The following GRIA1 variants were observed in gnomAD, a reference collection of about 807,000 sequenced individuals.
The protein encoded by GRIA1 is glutamate ionotropic receptor AMPA type subunit 1, also known as glutamate receptor 1.
Under a neutral mutation model 99.2 loss-of-function variants are expected in GRIA1, and 31 were observed. The observed-to-expected ratio is 0.31, with a 90% CI of 0.23 to 0.42. GRIA1 has a LOEUF of 0.42. Among genes scored for constraint, GRIA1 ranks in the 10% least tolerant of loss-of-function variants. The pLI, the probability that GRIA1 is intolerant of heterozygous loss-of-function variation, is 1.00. For missense variants in GRIA1, 782 were observed against 1,157.5 expected (o/e 0.68, Z 4.71); for synonymous variants, 438 against 432.4 (o/e 1.01, Z -0.16).
chr5:153,677,545 A>T (rs983329113), intron 7 of GRIA1, among the ~76,000 whole-genome samples: 2 of 152,212 alleles, frequency 1.3e-5, no homozygotes, highest in Admixed American at 1.3e-4. Context: ...CTCTGCACAC[A>T]TTGTATGAGA....
intron 2 of GRIA1, among the ~76,000 whole-genome samples, chr5:153,577,234 G>A (rs908101876): frequency 6.6e-6 from 1 of 151,898 alleles, no homozygotes; most frequent in African/African-American, 2.4e-5. Flanking sequence ...ATTGATAGCT[G>A]CTCTAAGTAT....
At position 153,527,112 on chromosome 5, in the gene GRIA1, C is replaced by T. The variant is rs756073753; in HGVS notation, c.220+33047C>T. 1.4e-4 allele frequency among the ~76,000 whole-genome samples: 21 copies of T among 152,238 alleles called. No homozygotes were observed. The South Asian group carries it at 2.9e-3, about 21-fold the overall frequency. On this transcript the variant is annotated intron_variant, in intron 2 of 15. Transcript: ENST00000285900. ...AATTTAATCCAGTGCCATATGCCTT[C>T]GTGATGCTGATCATAATCTTGAGAA...
rs145101213 is a variant in GRIA1 at position 153,734,148 on chromosome 5, A to C, written c.1823+28081A>C. 8.5e-3 allele frequency among the ~76,000 whole-genome samples: 1,298 copies of C among 152,308 alleles called. 7 individuals carry two copies. The highest frequency in any genetic ancestry group is 0.014 in the South Asian group (67 of 4,826). ...CATTTTCCCTGATGTTCACAATAGC[A>C]GTTAAGTTACTTATGTTGTTATTCA... On this transcript the variant is annotated intron_variant, in intron 11 of 15. Coordinates refer to ENST00000285900, the MANE Select transcript of GRIA1 (RefSeq NM_000827.4).
intron 11 of GRIA1, among the ~76,000 whole-genome samples, chr5:153,708,036 G>C (rs867547647): frequency 6.6e-6 from 1 of 152,226 alleles, no homozygotes. Context: ...CCATGAACTT[G>C]TTTTTTCTCC....
chr5:153,733,373 G>T (rs970868278), intron 11 of GRIA1, among the ~76,000 whole-genome samples: 9 of 151,760 alleles, frequency 5.9e-5, no homozygotes, highest in African/African-American at 2.2e-4. Context: ...CCTACAGTAG[G>T]TACAAAAAAG....
intron 2 of GRIA1, among the ~76,000 whole-genome samples, chr5:153,537,044 A>G (rs554933001): frequency 2.6e-4 from 40 of 152,314 alleles, no homozygotes; most frequent in African/African-American, 8.7e-4. Context: ...GAGAGATTCC[A>G]CAGGCCTAGT....
At chr5:153,534,241 G>A (rs944628784) in intron 2 of GRIA1, among the ~76,000 whole-genome samples, 1 of 152,172 alleles carries the variant, frequency 6.6e-6, no homozygotes, top group African/African-American at 2.4e-5. Context: ...AGTGCAATTA[G>A]CAGGTCAGCT....
intron 8 of GRIA1, among the ~76,000 whole-genome samples, chr5:153,697,147 C>T (rs925560637): frequency 1.3e-5 from 2 of 152,130 alleles, no homozygotes; most frequent in African/African-American, 2.4e-5. Context: ...GATCATAAGC[C>T]CTGATTCCTC....
intron 2 of GRIA1, among the ~76,000 whole-genome samples, chr5:153,579,496 G>A (rs1395901993): frequency 6.6e-6 from 1 of 152,148 alleles, no homozygotes; most frequent in African/African-American, 2.4e-5. Context: ...CTGAGTAGAT[G>A]GGAGCTTGTC....
At chr5:153,793,618 A>G (rs1051688760) in intron 13 of GRIA1, among the ~76,000 whole-genome samples, 3 of 152,218 alleles carry the variant, frequency 2.0e-5, no homozygotes, top group African/African-American at 2.4e-5. Flanking sequence ...GGCCCAGCAC[A>G]TAAACCCTTA....
intron 11 of GRIA1, among the ~76,000 whole-genome samples, chr5:153,742,721 T>C (rs1335162231): frequency 6.6e-6 from 1 of 152,208 alleles, no homozygotes; most frequent in African/African-American, 2.4e-5. Context: ...AAGCCAGCAA[T>C]GGAAGATCAA....
chr5:153,546,039 T>C (rs1561629980), intron 2 of GRIA1, among the ~76,000 whole-genome samples: 1 of 152,196 alleles, frequency 6.6e-6, no homozygotes, highest in Admixed American at 6.5e-5. Context: ...CCAAAGAATA[T>C]AATTACTGAG....
chr5:153,607,225 T>C (rs1167559647), intron 2 of GRIA1, among the ~76,000 whole-genome samples: 2 of 151,810 alleles, frequency 1.3e-5, no homozygotes, highest in Non-Finnish European at 1.5e-5. Flanking sequence ...TCTCACCTTC[T>C]ATACTATTGA....
At chr5:153,745,608 A>G (rs150538292) in intron 11 of GRIA1, among the ~76,000 whole-genome samples, 32,829 of 138,944 alleles carry the variant, frequency 0.24, 4,242 homozygotes, top group Middle Eastern at 0.35. Context: ...AAAAAAAAAA[A>G]AAAAGAAAAG....
At chr5:153,516,809 G>A (rs1003587127) in intron 2 of GRIA1, among the ~76,000 whole-genome samples, 1 of 152,054 alleles carries the variant, frequency 6.6e-6, no homozygotes, top group Non-Finnish European at 1.5e-5. Context: ...GTGCCTCAGC[G>A]TTCCCATGCC....
At chr5:153,779,887 G>A (rs527492238) in intron 13 of GRIA1, among the ~76,000 whole-genome samples, 1 of 152,148 alleles carries the variant, frequency 6.6e-6, no homozygotes, top group Non-Finnish European at 1.5e-5. Context: ...ATGCCTGGTT[G>A]AGAAGCTCAT....
chr5:153,561,287 A>C, intron 2 of GRIA1, among the ~76,000 whole-genome samples: 1 of 152,188 alleles, frequency 6.6e-6, no homozygotes, highest in East Asian at 1.9e-4. Flanking sequence ...CCGCTGAGTC[A>C]GTTCTTGGCC....
intron 11 of GRIA1, among the ~76,000 whole-genome samples, chr5:153,727,459 G>A (rs1205772645): frequency 6.6e-6 from 1 of 152,216 alleles, no homozygotes; most frequent in Admixed American, 6.5e-5. Context: ...CCTGTGTGCA[G>A]ATGACATGAT....
chr5:153,677,331 A>T (rs1756663188), intron 7 of GRIA1, among the ~76,000 whole-genome samples, 170 bp downstream of exon 7: 1 of 117,956 alleles, frequency 8.5e-6, no homozygotes, highest in East Asian at 2.0e-4. Context: ...AAGCTCATAT[A>T]AAAAAAAAAT....
Sources: gnomAD v4.1 joint callset for allele counts (sites outside exome capture counted in the v4.1 genomes callset) on GRCh38, gnomAD v4.1.1 for gene constraint, MANE v1.5 for transcripts, NCBI Gene and HGNC (gene_info 2026-07-23, HGNC 2026-07-21) for gene names.